KDM4C: variants seen among roughly 807,000 people sequenced by gnomAD.
The protein encoded by KDM4C is lysine-specific demethylase 4C.
Under a neutral mutation model 129.3 loss-of-function variants are expected in KDM4C, and 81 were observed. That is an observed-to-expected ratio of 0.63 (90% CI 0.52 to 0.75). The LOEUF is 0.75. KDM4C is among the 30% of genes least tolerant of loss of function. KDM4C has a pLI of 0.00. For missense variants in KDM4C, 1,457 were observed against 1,304.0 expected, an observed-to-expected ratio of 1.12 and a Z score of -1.81; for synonymous variants, 573 against 456.1, an observed-to-expected ratio of 1.26 and a Z score of -3.26.
intron 4 of KDM4C, among the ~76,000 whole-genome samples, chr9:6,848,298 T>C (rs1401243139): frequency 6.6e-6 from 1 of 152,254 alleles, no homozygotes; most frequent in East Asian, 1.9e-4. Flanking sequence ...CTCTGATATT[T>C]AGAATTTGAT....
intron 8 of KDM4C, among the ~76,000 whole-genome samples, chr9:6,920,723 C>G (rs1482991263): frequency 1.3e-5 from 2 of 152,032 alleles, no homozygotes; most frequent in Non-Finnish European, 2.9e-5. Context: ...GTGAAAGGGT[C>G]TGAAGGTGTG....
In KDM4C at chr9:6,810,421, A is replaced by C. The variant is rs1830931673; in HGVS notation, c.321-4210A>C. Among the ~76,000 whole-genome samples the C allele has an allele frequency of 3.3e-5, 5 of 152,328 alleles. No individual in the cohort carries two copies. The South Asian group carries it at 1.0e-3, about 32-fold the overall frequency. On this transcript the variant is annotated intron_variant, in intron 3 of 21. Coordinates refer to ENST00000381309, the MANE Select transcript of KDM4C (RefSeq NM_015061.6). ...TTAAAATGGTATAAATTTTTAGGCA[A>C]ATTGTAAAGATTTACTTATTAACAG...
chr9:6,947,155 T>G (rs898104599), intron 8 of KDM4C, among the ~76,000 whole-genome samples: 1 of 152,198 alleles, frequency 6.6e-6, no homozygotes, highest in Non-Finnish European at 1.5e-5. Flanking sequence ...TTACATTCAC[T>G]TGCGCCAAAT....
chr9:6,804,746 A>T (rs1382542632), intron 2 of KDM4C, among the ~76,000 whole-genome samples: 1 of 149,334 alleles, frequency 6.7e-6, no homozygotes, highest in Non-Finnish European at 1.5e-5. Context: ...TAACAGAGTG[A>T]GACTCCGTCT....
chr9:7,058,001 G>C (rs1331734478), intron 17 of KDM4C, among the ~76,000 whole-genome samples: 1 of 152,134 alleles, frequency 6.6e-6, no homozygotes, highest in Non-Finnish European at 1.5e-5. Context: ...CAGCAGTTTG[G>C]GGCCTAGAGA....
chr9:7,063,846 T>C (rs1397602727), intron 17 of KDM4C, among the ~76,000 whole-genome samples: 4 of 152,024 alleles, frequency 2.6e-5, no homozygotes, highest in Non-Finnish European at 4.4e-5. Context: ...GGCCTGGCAG[T>C]GGAGAGAACT....
intron 17 of KDM4C, among the ~76,000 whole-genome samples, chr9:7,083,700 GCACA>G: frequency 7.5e-6 from 1 of 132,896 alleles, no homozygotes; most frequent in Non-Finnish European, 1.6e-5. Context: ...GTCCCATGTA[GCACA>G]TGACTGATGT....
chr9:6,926,846 G>A (rs1822663248), intron 8 of KDM4C, among the ~76,000 whole-genome samples: 2 of 152,154 alleles, frequency 1.3e-5, no homozygotes. Flanking sequence ...TGGAAATCTG[G>A]CAATTCTTGA....
intron 8 of KDM4C, among the ~76,000 whole-genome samples, chr9:6,903,657 C>G (rs1162073476): frequency 6.6e-6 from 1 of 152,136 alleles, no homozygotes; most frequent in Non-Finnish European, 1.5e-5. Context: ...ATTGAATAAC[C>G]AATTGTGTCC....
At chr9:6,904,728 A>G (rs895868963) in intron 8 of KDM4C, among the ~76,000 whole-genome samples, 1 of 152,186 alleles carries the variant, frequency 6.6e-6, no homozygotes, top group Non-Finnish European at 1.5e-5. Flanking sequence ...TATTTGAAGG[A>G]ATGTATTTTT....
At chr9:7,099,368 G>T (rs989761496) in intron 17 of KDM4C, among the ~76,000 whole-genome samples, 1 of 152,138 alleles carries the variant, frequency 6.6e-6, no homozygotes, top group South Asian at 2.1e-4. Context: ...GATATACAAA[G>T]CCTCATTGCC....
intron 17 of KDM4C, among the ~76,000 whole-genome samples, chr9:7,053,323 T>C (rs1830464313): frequency 6.6e-6 from 1 of 152,360 alleles, no homozygotes. Context: ...AAATTATTCG[T>C]GCAAGGAGAA....
chr9:6,941,876 T>G (rs1826013058), intron 8 of KDM4C: 1 of 152,260 alleles, frequency 6.6e-6, no homozygotes, highest in African/African-American at 2.4e-5. Context: ...TGTGTGTGTG[T>G]ATATGTGTCT....
At chr9:6,776,547 A>G (rs1483256658) in intron 1 of KDM4C, among the ~76,000 whole-genome samples, 1 of 133,636 alleles carries the variant, frequency 7.5e-6, no homozygotes, top group Non-Finnish European at 1.6e-5. Context: ...GCCTCAACAC[A>G]TCTTTCTTTG....
intron 8 of KDM4C, among the ~76,000 whole-genome samples, chr9:6,919,247 T>TTTCTTTCTTTCTTTTCTTTC: frequency 3.2e-4 from 34 of 106,286 alleles, no homozygotes; most frequent in Non-Finnish European, 5.8e-4. Flanking sequence ...TCTTTCTTTC[T>TTTCTTTCTTTCTTTTCTTTC]TTTCTTTCTT....
chr9:7,157,431 C>T (rs956537105), intron 19 of KDM4C, among the ~76,000 whole-genome samples: 10 of 152,074 alleles, frequency 6.6e-5, no homozygotes, highest in Admixed American at 2.0e-4. Context: ...TGTCTTGTGC[C>T]GCTTTTTAAA....
chr9:6,843,457 C>A (rs1837335689), intron 4 of KDM4C, among the ~76,000 whole-genome samples: 1 of 152,214 alleles, frequency 6.6e-6, no homozygotes, highest in Non-Finnish European at 1.5e-5. Context: ...TATTGGGAAG[C>A]CTTAGGGCTT....
Position 6,825,815 on chromosome 9 carries a change from T to A in KDM4C, c.435+11070T>A, listed in dbSNP as rs369817077. On this transcript the variant is annotated intron_variant, in intron 4 of 21. Transcript: ENST00000381309. ...GTGGCAAATCTTTTTTTTATTTATT[T>A]CTCTGTCTCTCTTAAGACAAGGTCT... is the stretch of plus-strand genomic sequence containing the variant. Among the ~76,000 whole-genome samples the A allele has an allele frequency of 1.3e-3, 204 of 152,290 alleles. 1 individual carries two copies. The highest frequency in any genetic ancestry group is 4.1e-3 in the African/African-American group (169 of 41,540).
intron 8 of KDM4C, among the ~76,000 whole-genome samples, chr9:6,975,665 C>G (rs1832796564): frequency 6.6e-6 from 1 of 152,086 alleles, no homozygotes; most frequent in South Asian, 2.1e-4. Context: ...GTGTGTAGCT[C>G]ATGGTTAAGT....
Sources: gnomAD v4.1 joint callset for allele counts (sites outside exome capture counted in the v4.1 genomes callset) on GRCh38, gnomAD v4.1.1 for gene constraint, MANE v1.5 for transcripts, NCBI Gene and HGNC (gene_info 2026-07-23, HGNC 2026-07-21) for gene names.